The following SYTL5 variants were observed in gnomAD, a reference collection of about 807,000 sequenced individuals.
SYTL5 encodes synaptotagmin like 5.
SYTL5 carries 34 observed loss-of-function variants against 55.9 expected under a neutral mutation model. The ratio of observed to expected loss-of-function variants is 0.61; its 90% CI spans 0.46 to 0.81. The LOEUF (loss-of-function observed/expected upper bound fraction) is 0.81. SYTL5 is among the 30% of genes least tolerant of loss of function. SYTL5 has a pLI of 0.00. For missense variants in SYTL5, 637 were observed against 546.7 expected, an observed-to-expected ratio of 1.17 and a Z score of -1.65; for synonymous variants, 221 against 188.7, an observed-to-expected ratio of 1.17 and a Z score of -1.40.
intron 7 of SYTL5, among the ~76,000 whole-genome samples, chrX:38,090,225 T>C (rs1936764448): frequency 8.9e-6 from 1 of 112,304 alleles, no homozygotes; most frequent in Non-Finnish European, 1.9e-5. Flanking sequence ...GAGAAAATAT[T>C]CATAGGTTGA....
the SYTL5 span, among the ~76,000 whole-genome samples, chrX:37,983,799 C>T: frequency 9.0e-6 from 1 of 111,356 alleles, no homozygotes; most frequent in Non-Finnish European, 1.9e-5. Flanking sequence ...TTTTTCTTTC[C>T]ACAATGGAGT....
chrX:37,899,226 G>T, the SYTL5 span, among the ~76,000 whole-genome samples: 1 of 109,948 alleles, frequency 9.1e-6, no homozygotes, highest in Non-Finnish European at 1.9e-5. Flanking sequence ...TTTTAGAGAC[G>T]GGCCTTATTA....
intron 3 of SYTL5, among the ~76,000 whole-genome samples, chrX:38,064,825 A>G (rs895475647): frequency 9.0e-6 from 1 of 111,154 alleles, no homozygotes; most frequent in Non-Finnish European, 1.9e-5. Context: ...TGTGCTGTAT[A>G]TACATATACC....
chrX:37,945,489 T>C, the SYTL5 span, among the ~76,000 whole-genome samples: 10 of 111,628 alleles, frequency 9.0e-5, no homozygotes, highest in Non-Finnish European at 1.9e-4. Flanking sequence ...TTCTCCAGTC[T>C]TGATGGGAAA....
At chrX:38,027,266 G>A (rs1291903005) in intron 1 of SYTL5, among the ~76,000 whole-genome samples, 1 of 112,214 alleles carries the variant, frequency 8.9e-6, no homozygotes, top group South Asian at 3.7e-4. Flanking sequence ...AGCAAAATAA[G>A]CAAAATTATC....
the SYTL5 span, among the ~76,000 whole-genome samples, chrX:37,982,076 C>A: frequency 8.9e-6 from 1 of 111,952 alleles, no homozygotes. Flanking sequence ...ACAGAAGCTG[C>A]CCATGAGAGC....
At chrX:37,903,815 C>T in the SYTL5 span, among the ~76,000 whole-genome samples, 5 of 111,673 alleles carry the variant, frequency 4.5e-5, no homozygotes, top group African/African-American at 3.2e-5. Context: ...GTTCAATTGC[C>T]GTCTTCTGGT....
intron 15 of SYTL5, among the ~76,000 whole-genome samples, chrX:38,123,679 C>T (rs1197148872): frequency 8.9e-6 from 1 of 112,234 alleles, no homozygotes; most frequent in East Asian, 2.8e-4. Flanking sequence ...TGTGACCTTG[C>T]AACGGTACTT....
chrX:38,113,005 A>G (rs1937396859), intron 13 of SYTL5, among the ~76,000 whole-genome samples: 1 of 112,326 alleles, frequency 8.9e-6, no homozygotes, highest in Admixed American at 9.4e-5. Flanking sequence ...GAGTTCCAGA[A>G]CGGCATGGTG....
In SYTL5 at chrX:38,016,258, G is replaced by A. The variant is rs191926439; in HGVS notation, c.-357+9590G>A. Among the ~76,000 whole-genome samples, 17 of 111,777 alleles carry A rather than the reference G, an allele frequency of 1.5e-4. No individual in the cohort carries two copies. The East Asian group carries it at 2.2e-3, about 15-fold the overall frequency. ...AATAGCTATGGTTTTGGCTCTTGGC[G>A]CAAAAAGTCTAAAATATTTACTAAT... On this transcript the variant is annotated intron_variant, in intron 1 of 16. Coordinates refer to ENST00000297875, the MANE Select transcript of SYTL5 (RefSeq NM_138780.3).
At chrX:37,993,115 A>G in the SYTL5 span, among the ~76,000 whole-genome samples, 3 of 112,238 alleles carry the variant, frequency 2.7e-5, no homozygotes, top group East Asian at 8.4e-4. Context: ...TGTCTTTTAC[A>G]CAACAGAGAC....
At chrX:38,060,746 C>T (rs17312534) in intron 3 of SYTL5, among the ~76,000 whole-genome samples, 4,491 of 111,868 alleles carry the variant, frequency 0.04, 84 homozygotes, top group Non-Finnish European at 0.061. Flanking sequence ...CTAACTGTCA[C>T]GTAAAGATGT....
chrX:37,985,957 A>G, the SYTL5 span, among the ~76,000 whole-genome samples: 2 of 111,357 alleles, frequency 1.8e-5, no homozygotes, highest in Non-Finnish European at 3.8e-5. Flanking sequence ...GCATAGCCAC[A>G]TGCAAAAGAA....
In SYTL5 at chrX:38,110,376, A is replaced by G. The variant is rs762281479; in HGVS notation, c.1490A>G (p.His497Arg). Residue 497 changes from histidine (H) to arginine (R), a missense_variant, in exon 13 of 17, where the codon CAC becomes CGC. Physicochemically the swap from His to Arg is conservative, Grantham distance 29. Coordinates refer to ENST00000297875, the MANE Select transcript of SYTL5 (RefSeq NM_138780.3). ...AGAACTCTGCAGCTCTCAGTCTGGC[A>G]CTATGATCGATTTGGACGTAATAGC... is the stretch of plus-strand genomic sequence containing the variant. ...ETRTLQLSVW[H>R]YDRFGRNSFL... is the part of the protein sequence containing the mutation. The G allele has an allele frequency of 9.9e-6, 12 of 1,207,325 alleles. No individual in the cohort carries two copies. The highest frequency in any genetic ancestry group is 4.4e-5 in the Admixed American group (2 of 45,617).
chrX:38,105,486 A>G (rs1937185937), intron 10 of SYTL5, among the ~76,000 whole-genome samples: 1 of 112,458 alleles, frequency 8.9e-6, no homozygotes, highest in Non-Finnish European at 1.9e-5. Flanking sequence ...TAGGTAGATA[A>G]GAGACAAATG....
chrX:37,956,395 C>T, the SYTL5 span, among the ~76,000 whole-genome samples: 11 of 112,470 alleles, frequency 9.8e-5, no homozygotes, highest in South Asian at 3.7e-3. Flanking sequence ...ATTTCTAGAA[C>T]TTAATCATCT....
chrX:38,104,417 T>A (rs1428929461), intron 10 of SYTL5, among the ~76,000 whole-genome samples: 1 of 111,778 alleles, frequency 8.9e-6, no homozygotes, highest in Non-Finnish European at 1.9e-5. Context: ...GGTATCTGGG[T>A]GCTGCTCAAA....
chrX:38,120,571 C>A (rs775077372), intron 14 of SYTL5, 105 bp downstream of exon 14: 45 of 607,102 alleles, frequency 7.4e-5, no homozygotes, highest in Non-Finnish European at 1.1e-4. Flanking sequence ...ATTACACAAA[C>A]AAAACATAAA....
chrX:38,054,322 C>A lies in SYTL5; in HGVS notation c.229C>A (p.Arg77=). ...CHRNLGLIFD[R]GDPCQACSLR... is the part of the protein sequence containing the mutation. ...CAGAAACCTGGGCCTAATCTTTGAC[C>A]GGGGAGACCCTTGTCAGGCTTGCTC... The change falls in exon 3 of 17, where the codon CGG becomes AGG. Residue 77 remains arginine (R), a synonymous_variant. Coordinates refer to ENST00000297875, the MANE Select transcript of SYTL5 (RefSeq NM_138780.3). 1.7e-6 allele frequency: 2 copies of A among 1,210,534 alleles called. No homozygotes were observed. Among genetic ancestry groups the A allele is most frequent in the Admixed American group, 2.2e-5 (1 of 45,881 alleles).
Sources: allele counts gnomAD v4.1 joint callset (sites outside exome capture counted in the v4.1 genomes callset), GRCh38; gene constraint gnomAD v4.1.1; transcripts MANE v1.5; gene names NCBI Gene and HGNC (gene_info 2026-07-23, HGNC 2026-07-21).